TG: variants seen among roughly 807,000 people sequenced by gnomAD.
TG encodes thyroglobulin, also known as thyroid hormones.
A neutral mutation model predicts 324.7 loss-of-function variants in TG; 270 were observed. The ratio of observed to expected loss-of-function variants is 0.83; its 90% CI spans 0.75 to 0.92. TG has a LOEUF of 0.92. Among genes scored for constraint, TG ranks in the 40% least tolerant of loss-of-function variants. TG has a pLI of 0.00. For synonymous variants in TG, 1,401 were observed against 1,327.0 expected, an observed-to-expected ratio of 1.06 and a Z score of -1.21; for missense variants, 3,591 against 3,456.4, an observed-to-expected ratio of 1.04 and a Z score of -0.98.
At chr8:133,056,173 T>C (rs1841415392) in intron 41 of TG, among the ~76,000 whole-genome samples, 1 of 152,140 alleles carries the variant, frequency 6.6e-6, no homozygotes, top group African/African-American at 2.4e-5. Flanking sequence ...AAAAATTAAT[T>C]TACTTAAAAA....
In TG at chr8:132,882,870, G is replaced by A. The variant is rs1001892478; in HGVS notation, c.946G>A (p.Val316Ile). Residue 316 changes from valine to isoleucine, a missense_variant, in exon 8 of 48, where the codon GTT becomes ATT. By Grantham distance (29) the Val-to-Ile change is conservative. Transcript: ENST00000220616. ...FTATSFGHPY[V>I]PSCRRNGDYQ... is the part of the protein sequence containing the mutation. ...AGCAACCAGCTTTGGTCACCCCTATGTTCCAAGCTGCCGCCGAAATGGCGA... is the reference window on the plus strand; with the variant it reads ...AGCAACCAGCTTTGGTCACCCCTATATTCCAAGCTGCCGCCGAAATGGCGA... 1.2e-6 allele frequency: 2 copies of A among 1,614,232 alleles called. No individual in the cohort carries two copies. The highest frequency in any genetic ancestry group is 3.3e-5 in the Admixed American group (2 of 60,026).
chr8:133,034,615 A>G lies in TG; in HGVS notation c.7239+4592A>G, dbSNP rs567984469. On this transcript the variant is annotated intron_variant, in intron 41 of 47. Coordinates refer to ENST00000220616, the MANE Select transcript of TG (RefSeq NM_003235.5). ...CTCAATTGATATAAGGAGGAGACCC[A>G]GTACTAAAGCAGCTTAGTGGATAAA... Among the ~76,000 whole-genome samples, 7 of 152,298 alleles carry G rather than the reference A, an allele frequency of 4.6e-5. No homozygotes were observed. In the East Asian group the frequency reaches 1.4e-3, roughly 29 times the overall value.
chr8:133,130,604 G>A (rs1023551139), intron 45 of TG, among the ~76,000 whole-genome samples: 11 of 152,122 alleles, frequency 7.2e-5, no homozygotes, highest in Admixed American at 3.3e-4. Flanking sequence ...CTCAAGGAAC[G>A]GAATCCTTTC....
intron 11 of TG, among the ~76,000 whole-genome samples, chr8:132,897,348 A>G (rs374708698): frequency 1.2e-3 from 178 of 152,180 alleles, no homozygotes; most frequent in African/African-American, 4.0e-3. Flanking sequence ...TATTATTACT[A>G]TTATCTCATG....
chr8:132,993,323 A>G (rs1239524110), intron 35 of TG, among the ~76,000 whole-genome samples: 3 of 152,212 alleles, frequency 2.0e-5, no homozygotes, highest in African/African-American at 7.2e-5. Context: ...ATGGGATATG[A>G]GTTTGGGCAG....
At position 132,989,876 on chromosome 8, in the gene TG, C is replaced by A. The variant is rs144558545; in HGVS notation, c.6262+6464C>A. Among the ~76,000 whole-genome samples the A allele has an allele frequency of 1.2e-4, 19 of 152,314 alleles. No individual in the cohort carries two copies. The East Asian group carries it at 3.3e-3, about 26-fold the overall frequency. On this transcript the variant is annotated intron_variant, in intron 35 of 47. Transcript: ENST00000220616. Reference sequence around the variant, plus strand: ...ACGTGGGCTTTGAGGTCCACCTGGGCAGCTTCACTGAGTATCTGGGCCAGA... The same window carrying A: ...ACGTGGGCTTTGAGGTCCACCTGGGAAGCTTCACTGAGTATCTGGGCCAGA...
At position 133,056,486 on chromosome 8, in the gene TG, G is replaced by A. The variant is rs2249272; in HGVS notation, c.7239+26463G>A. Among the ~76,000 whole-genome samples, 106 of 152,258 alleles carry A rather than the reference G, an allele frequency of 7.0e-4. 2 individuals are homozygous for A. In the East Asian group the frequency reaches 0.018, roughly 26 times the overall value. ...GAGCCCATCCTCTTCCAGAGCATGG[G>A]GGCTTCTTGAAACCCTGTCCTTTCC... On this transcript the variant is annotated intron_variant, in intron 41 of 47. Coordinates refer to ENST00000220616, the MANE Select transcript of TG (RefSeq NM_003235.5).
chr8:132,900,892 G>A (rs994472168), intron 15 of TG, among the ~76,000 whole-genome samples: 2 of 152,134 alleles, frequency 1.3e-5, no homozygotes, highest in African/African-American at 4.8e-5. Context: ...TTTGGAAAAA[G>A]GAAGACGCTT....
At chr8:132,999,793 A>G (rs10102602) in intron 35 of TG, among the ~76,000 whole-genome samples, 35,096 of 152,100 alleles carry the variant, frequency 0.23, 4,601 homozygotes, top group Middle Eastern at 0.34. Flanking sequence ...GATATTTACT[A>G]TCTTCTCAGT....
At chr8:132,935,307 A>AT (rs942783585) in intron 24 of TG, among the ~76,000 whole-genome samples, 79 of 149,026 alleles carry the variant, frequency 5.3e-4, no homozygotes, top group Non-Finnish European at 4.5e-4. Flanking sequence ...CACCCGATTA[A>AT]TTTTTTTTTT....
In TG at chr8:132,996,734, G is replaced by A. The variant is rs759136226; in HGVS notation, c.6262+13322G>A. Among the ~76,000 whole-genome samples, 42 of 152,296 alleles carry A rather than the reference G, an allele frequency of 2.8e-4. 1 individual carries two copies. The Middle Eastern group carries it at 0.02, about 74-fold the overall frequency. On this transcript the variant is annotated intron_variant, in intron 35 of 47. Coordinates refer to ENST00000220616, the MANE Select transcript of TG (RefSeq NM_003235.5). The stretch of plus-strand genomic sequence containing the variant: ...GGCATTTAGAGGTGATGGTGGTGGA[G>A]GAGGCAGCTGTAGAAGGGGATTTCA...
intron 45 of TG, among the ~76,000 whole-genome samples, chr8:133,130,528 C>T (rs1258789238): frequency 6.6e-6 from 1 of 152,124 alleles, no homozygotes; most frequent in Non-Finnish European, 1.5e-5. Flanking sequence ...TGATCGGCAG[C>T]CTCTAGTGAC....
intron 19 of TG, 76 bp from the exon 20 acceptor site, chr8:132,912,971 C>T: frequency 7.1e-7 from 1 of 1,401,992 alleles, no homozygotes; most frequent in South Asian, 1.2e-5. Flanking sequence ...TTCTAGGCAT[C>T]TCTGCCCTGC....
rs557860469 is a variant in TG, at chr8:133,048,911, A to T, written c.7239+18888A>T. 5.1e-5 allele frequency: 11 copies of T among 215,772 alleles called. No homozygotes were observed. The South Asian group carries it at 6.1e-4, about 12-fold the overall frequency. 13.4% of individuals were successfully genotyped at this position (215,772 alleles called of 1,614,324 possible). A position where few individuals can be genotyped will look rare whatever the true frequency, so the allele number is the denominator to read the frequency against. ...CAGGTGGTTATCTCTGTTTTGCAAGATGAGCATGTGGCATGTAGAGTCCTC... is the reference window on the plus strand; with the variant it reads ...CAGGTGGTTATCTCTGTTTTGCAAGTTGAGCATGTGGCATGTAGAGTCCTC... On this transcript the variant is annotated intron_variant, in intron 41 of 47. Transcript: ENST00000220616.
intron 45 of TG, among the ~76,000 whole-genome samples, chr8:133,121,346 T>C (rs749802944): frequency 5.9e-5 from 9 of 152,188 alleles, no homozygotes; most frequent in Non-Finnish European, 1.2e-4. Context: ...GGGGCAGGTC[T>C]GAGCCTCCCA....
chr8:133,023,631 T>A (rs1265782351), intron 40 of TG, among the ~76,000 whole-genome samples: 1 of 152,162 alleles, frequency 6.6e-6, no homozygotes, highest in Admixed American at 6.5e-5. Flanking sequence ...TGACCATAAT[T>A]TGTGCCATTG....
At chr8:132,917,043 C>CTCCTTCCTTCCTTCCT (rs1268389871) in intron 20 of TG, among the ~76,000 whole-genome samples, 26 of 48,836 alleles carry the variant, frequency 5.3e-4, no homozygotes, top group Admixed American at 1.4e-3. Flanking sequence ...CCCTCCCTCC[C>CTCCTTCCTTCCTTCCT]TCCTTCCTTC....
chr8:132,981,703 C>T (rs1830872797), intron 34 of TG, among the ~76,000 whole-genome samples: 1 of 152,212 alleles, frequency 6.6e-6, no homozygotes, highest in African/African-American at 2.4e-5. Flanking sequence ...CATCCCAGAC[C>T]TGCGGAATCA....
chr8:132,994,893 G>A (rs1832725132), intron 35 of TG: 2 of 1,203,390 alleles, frequency 1.7e-6, no homozygotes, highest in South Asian at 1.5e-5. Context: ...TTGAGGTAAT[G>A]AGCTCCCTGT....
Sources: allele counts gnomAD v4.1 joint callset (sites outside exome capture counted in the v4.1 genomes callset), GRCh38; gene constraint gnomAD v4.1.1; transcripts MANE v1.5; gene names NCBI Gene and HGNC (gene_info 2026-07-23, HGNC 2026-07-21).